SRBD1: variants seen among roughly 807,000 people sequenced by gnomAD.
SRBD1 encodes S1 RNA binding domain 1.
A neutral mutation model predicts 115.3 loss-of-function variants in SRBD1; 88 were observed. The observed-to-expected ratio is 0.76, with a 90% CI of 0.64 to 0.91. The LOEUF (loss-of-function observed/expected upper bound fraction) is 0.91, where lower values mean the gene tolerates loss of function less well. Ranked by LOEUF, SRBD1 falls within the 40% of genes least tolerant of loss-of-function variation. The pLI is 0.00. For synonymous variants in SRBD1, 509 were observed against 407.7 expected (o/e 1.25, Z -2.99); for missense variants, 1,385 against 1,177.4 (o/e 1.18, Z -2.58).
chr2:45,481,857 C>T (rs1669976439), intron 15 of SRBD1, among the ~76,000 whole-genome samples: 1 of 152,066 alleles, frequency 6.6e-6, no homozygotes, highest in African/African-American at 2.4e-5. Context: ...AGAAGCCAGT[C>T]ACAAAGACCA....
At chr2:45,477,288 A>G (rs1033673938) in intron 15 of SRBD1, among the ~76,000 whole-genome samples, 26 of 152,186 alleles carry the variant, frequency 1.7e-4, no homozygotes, top group South Asian at 2.1e-4. Context: ...CAGAACTCCT[A>G]GGCATTCTTG....
Position 45,580,910 on chromosome 2 carries a change from C to A in SRBD1, c.933+783G>T, listed in dbSNP as rs1032823763. The stretch of plus-strand genomic sequence containing the variant: ...ATCTTGGCCAGGCTGGTCTTGAACT[C>A]CTGACATCGTGATCAGCCCACCTCG... On this transcript the variant is annotated intron_variant, in intron 6 of 20. Transcript: ENST00000263736. Among the ~76,000 whole-genome samples the A allele has an allele frequency of 4.6e-5, 7 of 151,364 alleles. 1 individual carries two copies. In the South Asian group the frequency reaches 1.0e-3, roughly 23 times the overall value.
At chr2:45,421,634 A>T (rs573469512) in intron 16 of SRBD1, among the ~76,000 whole-genome samples, 32 of 151,876 alleles carry the variant, frequency 2.1e-4, no homozygotes, top group African/African-American at 7.7e-4. Context: ...CAATGAATAC[A>T]TTCGCTATTA....
chr2:45,494,098 G>C (rs931454187), intron 14 of SRBD1, among the ~76,000 whole-genome samples: 2 of 152,056 alleles, frequency 1.3e-5, no homozygotes, highest in Non-Finnish European at 2.9e-5. Context: ...TATCATTACA[G>C]TGTTCATTTA....
chr2:45,515,903 T>C (rs1394618748), intron 14 of SRBD1, among the ~76,000 whole-genome samples: 1 of 152,156 alleles, frequency 6.6e-6, no homozygotes, highest in Admixed American at 6.5e-5. Flanking sequence ...TCACTGGGCA[T>C]GGTGGCTGAT....
chr2:45,514,357 A>T (rs1328483554), intron 14 of SRBD1, among the ~76,000 whole-genome samples: 1 of 152,168 alleles, frequency 6.6e-6, no homozygotes, highest in African/African-American at 2.4e-5. Context: ...CATCCAGGAT[A>T]ACCACCAGTT....
rs1672284362 is a variant in SRBD1, at chr2:45,551,125, T to C, written c.1675A>G (p.Ser559Gly). The C allele has an allele frequency of 6.3e-7, 1 of 1,590,482 alleles. No homozygotes were observed. The highest frequency in any genetic ancestry group is 8.5e-7 in the Non-Finnish European group (1 of 1,173,380). ...GCKLAIISPT[S>G]QILHTDVVYL... ...CATGGAAAATTGCAAGACAACTTACTAGTAGGAGAAATTATAGCTAATTTG... is the reference window on the plus strand; with the variant it reads ...CATGGAAAATTGCAAGACAACTTACCAGTAGGAGAAATTATAGCTAATTTG... Residue 559 changes from serine (S) to glycine (G), a missense_variant and splice_region_variant, in exon 12 of 21, where the codon AGT (serine) becomes GGT (glycine). Transcript: ENST00000263736.
chr2:45,606,128 C>G (rs1002145344), intron 1 of SRBD1, among the ~76,000 whole-genome samples: 9 of 149,394 alleles, frequency 6.0e-5, no homozygotes, highest in Non-Finnish European at 1.0e-4. Flanking sequence ...TAAACTATAT[C>G]TCAAAGACAG....
rs1301684361 is a variant in SRBD1 at position 45,570,178 on chromosome 2, CAG to C, written c.1305+3027_1305+3028del. Among the ~76,000 whole-genome samples, 4 of 152,198 alleles carry C rather than the reference CAG, an allele frequency of 2.6e-5. No homozygotes were observed. The East Asian group carries it at 7.7e-4, about 29-fold the overall frequency. ...TAAATATTTGTTCACTGGACCTTTA[CAG>C]AAAAAGTTTACCAACTGTATACTAG... On this transcript the variant is annotated intron_variant, in intron 9 of 20. Coordinates refer to ENST00000263736, the MANE Select transcript of SRBD1 (RefSeq NM_018079.5).
intron 4 of SRBD1, among the ~76,000 whole-genome samples, chr2:45,596,726 G>A (rs900071611): frequency 2.0e-5 from 3 of 152,074 alleles, no homozygotes; most frequent in Admixed American, 6.6e-5. Flanking sequence ...TAAATAAATG[G>A]TAAGTATTAT....
At chr2:45,488,445 T>C in intron 14 of SRBD1, 114 bp from the exon 15 acceptor site, 1 of 680,664 alleles carries the variant, frequency 1.5e-6, no homozygotes, top group South Asian at 1.8e-5. Context: ...GGCAAACTGT[T>C]CTCTTCATAT....
rs961167369 is a variant in SRBD1 at position 45,573,451 on chromosome 2, GT to G, written c.1170-110del. The stretch of plus-strand genomic sequence containing the variant: ...AAAAAGTTAAGCCATTACCAAGTGA[GT>G]TTTTTTAATGATGCCCAGCTATGAA... On this transcript the variant is annotated intron_variant, in intron 8 of 20. Coordinates refer to ENST00000263736, the MANE Select transcript of SRBD1 (RefSeq NM_018079.5). 1.1e-5 allele frequency: 14 copies of G among 1,315,354 alleles called. No homozygotes were observed. In the African/African-American group the frequency reaches 1.1e-4, roughly 10 times the overall value. 81.5% of individuals were successfully genotyped at this position (1,315,354 alleles called of 1,614,324 possible). A position where few individuals can be genotyped will look rare whatever the true frequency, so the allele number is the denominator to read the frequency against.
intron 20 of SRBD1, among the ~76,000 whole-genome samples, chr2:45,392,292 T>C (rs555142909): frequency 6.6e-6 from 1 of 152,178 alleles, no homozygotes; most frequent in African/African-American, 2.4e-5. Flanking sequence ...CAAAACTGGT[T>C]ATAAGACCAG....
intron 9 of SRBD1, among the ~76,000 whole-genome samples, chr2:45,572,835 C>A (rs1017015897): frequency 1.3e-5 from 2 of 151,996 alleles, no homozygotes; most frequent in African/African-American, 4.8e-5. Flanking sequence ...GTAAATGAGA[C>A]CTCTCACACT....
intron 16 of SRBD1, among the ~76,000 whole-genome samples, chr2:45,464,645 G>A (rs1017862808): frequency 2.0e-5 from 3 of 152,116 alleles, no homozygotes; most frequent in Admixed American, 6.5e-5. Flanking sequence ...TGTTAACGAG[G>A]CCTTCACAAG....
At chr2:45,429,173 A>C (rs1463846006) in intron 16 of SRBD1, among the ~76,000 whole-genome samples, 2 of 152,172 alleles carry the variant, frequency 1.3e-5, no homozygotes, top group African/African-American at 4.8e-5. Flanking sequence ...CCAACCAAAA[A>C]AGCCCAGGAC....
chr2:45,459,601 G>C (rs1223694245), intron 16 of SRBD1, among the ~76,000 whole-genome samples: 1 of 152,066 alleles, frequency 6.6e-6, no homozygotes, highest in Non-Finnish European at 1.5e-5. Flanking sequence ...TTTAAACAAA[G>C]AACTACTAAA....
chr2:45,464,919 T>A (rs1669434543), intron 16 of SRBD1, among the ~76,000 whole-genome samples: 1 of 152,118 alleles, frequency 6.6e-6, no homozygotes, highest in Non-Finnish European at 1.5e-5. Context: ...TTTACCGACA[T>A]CTTTAAACAT....
intron 16 of SRBD1, among the ~76,000 whole-genome samples, chr2:45,464,570 G>T (rs1429826183): frequency 6.6e-6 from 1 of 152,168 alleles, no homozygotes; most frequent in African/African-American, 2.4e-5. Context: ...ACAAAGAAGG[G>T]AAAGAATGTG....
Sources: allele counts gnomAD v4.1 joint callset (sites outside exome capture counted in the v4.1 genomes callset), GRCh38; gene constraint gnomAD v4.1.1; transcripts MANE v1.5; gene names NCBI Gene and HGNC (gene_info 2026-07-23, HGNC 2026-07-21).